The following SLC24A2 variants were observed in gnomAD, a reference collection of about 807,000 sequenced individuals.
SLC24A2 encodes the protein solute carrier family 24 member 2, also known as sodium/potassium/calcium exchanger 2.
Under a neutral mutation model 62.0 loss-of-function variants are expected in SLC24A2, and 36 were observed. That is an observed-to-expected ratio of 0.58 (90% CI 0.44 to 0.77). The LOEUF (loss-of-function observed/expected upper bound fraction) is 0.77. SLC24A2 is among the 30% of genes least tolerant of loss of function. The pLI is 0.00. For missense variants in SLC24A2, 846 were observed against 817.9 expected (o/e 1.03, Z -0.42); for synonymous variants, 358 against 294.0 (o/e 1.22, Z -2.23).
Position 19,584,290 on chromosome 9 carries a change from A to C in SLC24A2, c.1130-7268T>G, listed in dbSNP as rs866810227. 8.3e-3 allele frequency among the ~76,000 whole-genome samples: 1,131 copies of C among 135,580 alleles called. 1 individual carries two copies. Among genetic ancestry groups the C allele is most frequent in the Non-Finnish European group, 0.011 (657 of 61,340 alleles). The allele number at this position is 135,580 out of a possible 152,430, so 88.9% of individuals were successfully genotyped here. A position where few individuals can be genotyped will look rare whatever the true frequency, so the allele number is the denominator to read the frequency against. The stretch of plus-strand genomic sequence containing the variant: ...GCAAATAGTAAAAAAAAAAAAAAAA[A>C]AAACAAACAAAAAACAAAACAAAAC... On this transcript the variant is annotated intron_variant, in intron 5 of 10. Transcript: ENST00000341998.
intron 2 of SLC24A2, among the ~76,000 whole-genome samples, chr9:19,678,723 G>A (rs866275145): frequency 3.3e-5 from 5 of 152,150 alleles, no homozygotes; most frequent in African/African-American, 4.8e-5. Context: ...GGCATTTTTA[G>A]TTATGTTAAG....
At chr9:19,951,629 T>C in the SLC24A2 span, among the ~76,000 whole-genome samples, 1 of 152,126 alleles carries the variant, frequency 6.6e-6, no homozygotes, top group African/African-American at 2.4e-5. Flanking sequence ...GTTTTTCCAT[T>C]GAATTGCCTT....
At chr9:19,997,530 C>A in the SLC24A2 span, among the ~76,000 whole-genome samples, 22 of 152,246 alleles carry the variant, frequency 1.4e-4, no homozygotes, top group African/African-American at 5.3e-4. Context: ...CAGGATCATT[C>A]AGCACACTCT....
In SLC24A2 at chr9:19,569,757, C is replaced by A. The variant is rs531172412; in HGVS notation, c.1347+3594G>T. ...CCCTATCATGATCTACAAGACCTACCAGCTCTGCTTGGCCCTCCTCTCTGA... is the reference window on the plus strand; with the variant it reads ...CCCTATCATGATCTACAAGACCTACAAGCTCTGCTTGGCCCTCCTCTCTGA... On this transcript the variant is annotated intron_variant, in intron 7 of 10. Coordinates refer to ENST00000341998, the MANE Select transcript of SLC24A2 (RefSeq NM_020344.4). 6.6e-5 allele frequency among the ~76,000 whole-genome samples: 10 copies of A among 152,306 alleles called. No homozygotes were observed. The South Asian group carries it at 2.1e-3, about 32-fold the overall frequency.
intron 7 of SLC24A2, among the ~76,000 whole-genome samples, chr9:19,553,218 C>T (rs1050917695): frequency 6.6e-6 from 1 of 152,186 alleles, no homozygotes; most frequent in African/African-American, 2.4e-5. Context: ...GAAAAAAATA[C>T]TGTTCCAAGT....
chr9:20,034,830 A>C, the SLC24A2 span, among the ~76,000 whole-genome samples: 1 of 152,124 alleles, frequency 6.6e-6, no homozygotes, highest in Non-Finnish European at 1.5e-5. Context: ...TGATTCCACA[A>C]TTGTTGGTGA....
intron 7 of SLC24A2, among the ~76,000 whole-genome samples, chr9:19,561,393 A>G (rs1835392744): frequency 6.6e-6 from 1 of 152,010 alleles, no homozygotes; most frequent in Admixed American, 6.6e-5. Context: ...CTTCTGTGTG[A>G]ACATCCTAAA....
intron 2 of SLC24A2, among the ~76,000 whole-genome samples, chr9:19,753,605 A>C (rs1006349095): frequency 5.9e-5 from 9 of 152,264 alleles, no homozygotes; most frequent in African/African-American, 2.2e-4. Context: ...TAGTATCTGA[A>C]TCTCCAAGTT....
chr9:20,087,336 A>G, the SLC24A2 span, among the ~76,000 whole-genome samples: 13,170 of 152,256 alleles, frequency 0.086, 987 homozygotes, highest in African/African-American at 0.2. Flanking sequence ...ATGTTTACAT[A>G]AGAATAGATA....
At chr9:19,597,156 AT>A in intron 5 of SLC24A2, 72 bp downstream of exon 5, 1 of 987,326 alleles carries the variant, frequency 1.0e-6, no homozygotes, top group Non-Finnish European at 1.6e-6. Context: ...AAAAAAAAGA[AT>A]AAAAAATGGG....
chr9:19,796,657 C>T, the SLC24A2 span, among the ~76,000 whole-genome samples: 1 of 152,224 alleles, frequency 6.6e-6, no homozygotes. Flanking sequence ...GGTTAGAAAT[C>T]ATCTTCCTTC....
the SLC24A2 span, among the ~76,000 whole-genome samples, chr9:20,119,324 C>A: frequency 6.7e-6 from 1 of 149,832 alleles, no homozygotes; most frequent in Admixed American, 6.7e-5. Context: ...TGCTTTAAAT[C>A]ACTACATTTT....
the SLC24A2 span, among the ~76,000 whole-genome samples, chr9:20,127,887 A>G: frequency 1.3e-5 from 2 of 151,846 alleles, no homozygotes; most frequent in Non-Finnish European, 2.9e-5. Context: ...TTAACACCCA[A>G]TTTTTTTTCC....
the SLC24A2 span, among the ~76,000 whole-genome samples, chr9:20,067,223 G>C: frequency 1.3e-5 from 2 of 152,046 alleles, no homozygotes; most frequent in African/African-American, 4.8e-5. Flanking sequence ...CCAAAAAAGG[G>C]TTTCAGAGAA....
chr9:19,547,343 G>T (rs1460371155), intron 8 of SLC24A2, among the ~76,000 whole-genome samples: 1 of 152,198 alleles, frequency 6.6e-6, no homozygotes, highest in Non-Finnish European at 1.5e-5. Flanking sequence ...TCTCAGAGGG[G>T]GACTGCACAG....
At chr9:19,588,273 A>ATGAG (rs1465158218) in intron 5 of SLC24A2, among the ~76,000 whole-genome samples, 1 of 147,030 alleles carries the variant, frequency 6.8e-6, no homozygotes, top group Non-Finnish European at 1.5e-5. Context: ...TTTGAACTGT[A>ATGAG]TGAGTTAAGC....
the SLC24A2 span, among the ~76,000 whole-genome samples, chr9:20,218,044 G>A: frequency 2.6e-5 from 4 of 152,148 alleles, no homozygotes; most frequent in African/African-American, 9.7e-5. Flanking sequence ...CTGTGGATTG[G>A]GGTAACCATT....
chr9:19,599,727 G>A lies in SLC24A2; in HGVS notation c.1079-2448C>T, dbSNP rs1334303322. ...TGCGACTAGGACAAAAAGCATGCAT[G>A]CATAAACCAGAGCTCATCATGCACT... On this transcript the variant is annotated intron_variant, in intron 4 of 10. Coordinates refer to ENST00000341998, the MANE Select transcript of SLC24A2 (RefSeq NM_020344.4). The surrounding 1 kb of genome is among the most constrained non-coding windows in gnomAD (Gnocchi z 4.5). 1.3e-5 allele frequency among the ~76,000 whole-genome samples: 2 copies of A among 152,148 alleles called. No homozygotes were observed. The highest frequency in any genetic ancestry group is 2.4e-5 in the African/African-American group (1 of 41,428).
At chr9:20,211,237 G>T in the SLC24A2 span, among the ~76,000 whole-genome samples, 1 of 152,156 alleles carries the variant, frequency 6.6e-6, no homozygotes, top group South Asian at 2.1e-4. Flanking sequence ...TGCTGGCCGG[G>T]CGCGGTGGCT....
Sources: gnomAD v4.1 joint callset for allele counts (sites outside exome capture counted in the v4.1 genomes callset) on GRCh38, gnomAD v4.1.1 for gene constraint, Gnocchi (gnomAD v3.1) non-coding constraint, MANE v1.5 for transcripts, NCBI Gene and HGNC (gene_info 2026-07-23, HGNC 2026-07-21) for gene names.